Variants in MGP observed in about 807,000 individuals in gnomAD.
The protein encoded by MGP is matrix Gla protein.
Under a neutral mutation model 14.5 loss-of-function variants are expected in MGP, and 13 were observed. That is an observed-to-expected ratio of 0.89 (90% CI 0.58 to 1.42). The LOEUF is 1.42. MGP is among the 40% of genes most tolerant of loss of function. The pLI is 0.00. For synonymous variants in MGP, 44 were observed against 46.3 expected, an observed-to-expected ratio of 0.95 and a Z score of 0.20; for missense variants, 128 against 133.7, an observed-to-expected ratio of 0.96 and a Z score of 0.21.
chr12:14,882,236 G>A lies in MGP; in HGVS notation c.215C>T (p.Ala72Val), dbSNP rs771141296. ...TTCGCAAAGTCTGTAGTCATCACAG[G>A]CTTCCCTATTGAGCTCGTGGACAGG... is the stretch of plus-strand genomic sequence containing the variant. ...SKPVHELNREACDDYRLCERY... is the reference protein window; with the variant it reads ...SKPVHELNREVCDDYRLCERY... Residue 72 changes from alanine (A) to valine (V), a missense_variant, in exon 4 of 4, where the codon GCC (alanine) becomes GTC (valine). By Grantham distance (64) the Ala-to-Val change is moderately conservative (BLOSUM62 0). Transcript: ENST00000539261. 5 of 1,614,106 alleles carry A rather than the reference G, an allele frequency of 3.1e-6. No individual in the cohort carries two copies. The highest frequency in any genetic ancestry group is 4.2e-6 in the Non-Finnish European group (5 of 1,179,980).
intron 1 of MGP, chr12:14,884,855 C>G (rs1565441343): frequency 6.5e-7 from 1 of 1,535,234 alleles, no homozygotes; most frequent in Non-Finnish European, 8.7e-7. Context: ...GAAACGATAT[C>G]AAAGCCGAAG....
Position 14,881,400 on chromosome 12 carries a change from A to G in MGP, c.*739T>C, listed in dbSNP as rs532121539. Reference sequence around the variant, plus strand: ...AGCGTGGAACCTTTAACAAATGTAGAAGTAAAAATATAACATAAGTAGAAG... The same window carrying G: ...AGCGTGGAACCTTTAACAAATGTAGGAGTAAAAATATAACATAAGTAGAAG... On this transcript the variant is annotated 3_prime_UTR_variant, in exon 4 of 4. Transcript: ENST00000539261. The G allele has an allele frequency of 3.1e-4, 47 of 152,320 alleles. No homozygotes were observed. The highest frequency in any genetic ancestry group is 1.1e-3 in the African/African-American group (47 of 41,566). The allele number at this position is 152,320 out of a possible 1,614,324, so 9.4% of individuals were successfully genotyped here.
Position 14,882,118 on chromosome 12 carries a change from A to AT in MGP, c.*20dup, listed in dbSNP as rs778096597. The AT allele has an allele frequency of 2.8e-5, 45 of 1,613,040 alleles. No individual in the cohort carries two copies. The highest frequency in any genetic ancestry group is 3.7e-5 in the Non-Finnish European group (44 of 1,179,322). On this transcript the variant is annotated 3_prime_UTR_variant, in exon 4 of 4. Transcript: ENST00000539261. ...GGTGCCAGCCTCCAGAAAAAAAGAG[A>AT]TTTTTTTTCTTCCCTCAGTCTCATT...
At chr12:14,884,615 A>G (rs1049890380) in intron 1 of MGP, among the ~76,000 whole-genome samples, 1 of 152,216 alleles carries the variant, frequency 6.6e-6, no homozygotes, top group Non-Finnish European at 1.5e-5. Flanking sequence ...TGATTTATTC[A>G]GAGCCTGTTT....
intron 1 of MGP, chr12:14,884,941 C>T: frequency 6.8e-7 from 1 of 1,463,570 alleles, no homozygotes; most frequent in Non-Finnish European, 9.2e-7. Flanking sequence ...TATTTGCCAG[C>T]AAGTGAATTT....
chr12:14,882,318 A>G, intron 3 of MGP, 38 bp from the exon 4 acceptor site: 1 of 1,611,842 alleles, frequency 6.2e-7, no homozygotes. Context: ...TGAGAAGGAT[A>G]AAGTGGAAAA....
chr12:14,882,135 A>C lies in MGP; in HGVS notation c.*4T>G. On this transcript the variant is annotated 3_prime_UTR_variant, in exon 4 of 4. Coordinates refer to ENST00000539261, the MANE Select transcript of MGP (RefSeq NM_000900.5). The stretch of plus-strand genomic sequence containing the variant: ...AAAAAGAGATTTTTTTTCTTCCCTC[A>C]GTCTCATTTGGTCCCTCGGCGCTTC... 6.2e-7 allele frequency: 1 copy of C among 1,613,260 alleles called. No homozygotes were observed. Among genetic ancestry groups the C allele is most frequent in the Non-Finnish European group, 8.5e-7 (1 of 1,179,292 alleles).
In MGP at chr12:14,885,806, G is replaced by C. The variant is rs781687901; in HGVS notation, c.-15C>G. The stretch of plus-strand genomic sequence containing the variant: ...AGGCTCTTCATGGTTTCGTCCTGCA[G>C]GTCAGTCTCAGGGTCTTGTGTAGCA... On this transcript the variant is annotated 5_prime_UTR_variant, in exon 1 of 4. Coordinates refer to ENST00000539261, the MANE Select transcript of MGP (RefSeq NM_000900.5). The C allele has an allele frequency of 3.7e-6, 6 of 1,613,120 alleles. No homozygotes were observed. In the Admixed American group the frequency reaches 6.7e-5, roughly 18 times the overall value.
At position 14,882,173 on chromosome 12, in the gene MGP, T is replaced by A; in HGVS notation, c.278A>T (p.Asn93Ile). 4 of 1,614,098 alleles carry A rather than the reference T, an allele frequency of 2.5e-6. No homozygotes were observed. The highest frequency in any genetic ancestry group is 3.4e-6 in the Non-Finnish European group (4 of 1,179,986). Residue 93 changes from asparagine (N) to isoleucine (I), a missense_variant, in exon 4 of 4, where the codon AAT (asparagine) becomes ATT (isoleucine). Physicochemically the swap from Asn to Ile is moderately radical, Grantham distance 149. Coordinates refer to ENST00000539261, the MANE Select transcript of MGP (RefSeq NM_000900.5). ...CCCTCGGCGCTTCCTGAAGTAGCGA[T>A]TATAGGCAGCATTGTATCCATAAAC... is the stretch of plus-strand genomic sequence containing the variant. ...AMVYGYNAAYNRYFRKRRGTK is the reference protein window; with the variant it reads ...AMVYGYNAAYIRYFRKRRGTK
chr12:14,882,824 GTT>G, intron 3 of MGP, 146 bp downstream of exon 3: 1 of 638,650 alleles, frequency 1.6e-6, no homozygotes, highest in Non-Finnish European at 2.8e-6. Context: ...TAATTCAGTT[GTT>G]TTCTGAATAT....
intron 3 of MGP, among the ~76,000 whole-genome samples, chr12:14,882,494 T>C (rs2120428999): frequency 6.7e-6 from 1 of 150,098 alleles, no homozygotes; most frequent in Admixed American, 6.6e-5. Context: ...AGGTCAGGAG[T>C]TCAAGACTAG....
intron 2 of MGP, 36 bp from the exon 3 acceptor site, chr12:14,883,083 A>G: frequency 1.4e-6 from 2 of 1,432,192 alleles, no homozygotes; most frequent in Non-Finnish European, 2.0e-6. Context: ...AGTTTTAGCG[A>G]CACATAGCTG....
Position 14,883,002 on chromosome 12 carries a change from T to C in MGP, c.140A>G (p.Gln47Arg). The C allele has an allele frequency of 1.2e-6, 2 of 1,612,872 alleles. No individual in the cohort carries two copies. The highest frequency in any genetic ancestry group is 1.7e-6 in the Non-Finnish European group (2 of 1,178,956). The change falls in exon 3 of 4, where the codon CAG becomes CGG. Residue 47 changes from glutamine (Q) to arginine (R), a missense_variant. Coordinates refer to ENST00000539261, the MANE Select transcript of MGP (RefSeq NM_000900.5). Reference sequence around the variant, plus strand: ...TTGGACTTTAGCTCTCCATCTCTGCTGAGGGGATATGAAGGTATTTGCATT... The same window carrying C: ...TTGGACTTTAGCTCTCCATCTCTGCCGAGGGGATATGAAGGTATTTGCATT... ...RRNANTFISP[Q>R]QRWRAKVQER... is the part of the protein sequence containing the mutation.
In MGP at chr12:14,884,247, T is replaced by C. The variant is rs112518413; in HGVS notation, c.62-2A>G. 2.1e-6 allele frequency: 3 copies of C among 1,403,260 alleles called. No homozygotes were observed. Among genetic ancestry groups the C allele is most frequent in the East Asian group, 2.4e-5 (1 of 42,520 alleles). 86.9% of individuals were successfully genotyped at this position (1,403,260 alleles called of 1,614,324 possible). On this transcript the variant is annotated splice_acceptor_variant, in intron 1 of 3. Coordinates refer to ENST00000539261, the MANE Select transcript of MGP (RefSeq NM_000900.5). LOFTEE classifies it high-confidence loss of function. ...AAGATTCCATGCTTTCATGTGATTC[T>C]GAAATTAAAAAAAAAAGATTCATTA... is the stretch of plus-strand genomic sequence containing the variant.
Position 14,883,133 on chromosome 12 carries a change from G to T in MGP, c.95-86C>A, listed in dbSNP as rs542482214. 14 of 1,084,216 alleles carry T rather than the reference G, an allele frequency of 1.3e-5. No individual in the cohort carries two copies. The East Asian group carries it at 2.9e-4, about 23-fold the overall frequency. The allele number at this position is 1,084,216 out of a possible 1,614,324, so 67.2% of individuals were successfully genotyped here. On this transcript the variant is annotated intron_variant, in intron 2 of 3. Coordinates refer to ENST00000539261, the MANE Select transcript of MGP (RefSeq NM_000900.5). The stretch of plus-strand genomic sequence containing the variant: ...AATATTCCTTGACACAAATATATTT[G>T]AAAGTGCCTTAACTTATGCAACTCA...
chr12:14,885,850 C>T lies in MGP; in HGVS notation c.-59G>A. On this transcript the variant is annotated 5_prime_UTR_variant, in exon 1 of 4. Coordinates refer to ENST00000539261, the MANE Select transcript of MGP (RefSeq NM_000900.5). ...TGTAGCAGCAGTAGGGAGAGAGGCT[C>T]CTACGGGATGTTAGTGGAAGGCTGT... The T allele has an allele frequency of 3.4e-6, 5 of 1,476,984 alleles. No homozygotes were observed. In the South Asian group the frequency reaches 5.7e-5, roughly 17 times the overall value. 91.5% of individuals were successfully genotyped at this position (1,476,984 alleles called of 1,614,324 possible).
At chr12:14,883,090 G>C in intron 2 of MGP, 43 bp from the exon 3 acceptor site, 1 of 1,383,712 alleles carries the variant, frequency 7.2e-7, no homozygotes, top group Non-Finnish European at 1.0e-6. Flanking sequence ...GCGACACATA[G>C]CTGGAAATAT....
At position 14,881,988 on chromosome 12, in the gene MGP, G is replaced by T; in HGVS notation, c.*151C>A. The T allele has an allele frequency of 2.2e-6, 2 of 925,458 alleles. No homozygotes were observed. Among genetic ancestry groups the T allele is most frequent in the Non-Finnish European group, 3.4e-6 (2 of 590,028 alleles). 57.3% of individuals were successfully genotyped at this position (925,458 alleles called of 1,614,324 possible). A position where few individuals can be genotyped will look rare whatever the true frequency, so the allele number is the denominator to read the frequency against. ...GCACTTTCATTACTTATCAATCTGGGGGCGGGAAAAAGGGGTGCAGCCAGA... is the reference window on the plus strand; with the variant it reads ...GCACTTTCATTACTTATCAATCTGGTGGCGGGAAAAAGGGGTGCAGCCAGA... On this transcript the variant is annotated 3_prime_UTR_variant, in exon 4 of 4. Transcript: ENST00000539261.
At chr12:14,884,753 C>G in intron 1 of MGP, 2 of 1,472,160 alleles carry the variant, frequency 1.4e-6, no homozygotes, top group Non-Finnish European at 1.8e-6. Flanking sequence ...CCGAAAGCCT[C>G]TTAAGAACCT....
Sources: allele counts gnomAD v4.1 joint callset (sites outside exome capture counted in the v4.1 genomes callset), GRCh38; gene constraint gnomAD v4.1.1; transcripts MANE v1.5; gene names NCBI Gene and HGNC (gene_info 2026-07-23, HGNC 2026-07-21).